Variants in KCNMB3 observed in about 807,000 individuals in gnomAD.
The protein encoded by KCNMB3 is potassium calcium-activated channel subfamily M regulatory beta subunit 3, also known as calcium-activated potassium channel subunit beta-3.
Under a neutral mutation model 11.9 loss-of-function variants are expected in KCNMB3, and 18 were observed. The ratio of observed to expected loss-of-function variants is 1.51; its 90% CI spans 1.04 to 2.23. The LOEUF (loss-of-function observed/expected upper bound fraction) is 2.23. KCNMB3 is among the 30% of genes most tolerant of loss of function. The pLI, the probability that KCNMB3 is intolerant of heterozygous loss-of-function variation, is 0.00. For missense variants in KCNMB3, 247 were observed against 329.4 expected, an observed-to-expected ratio of 0.75 and a Z score of 1.94; for synonymous variants, 78 against 119.2, an observed-to-expected ratio of 0.65 and a Z score of 2.25.
chr3:179,256,367 C>G (rs1285515208), upstream of KCNMB3, among the ~76,000 whole-genome samples: 1 of 152,022 alleles, frequency 6.6e-6, no homozygotes, highest in African/African-American at 2.4e-5. Context: ...ACCCAGGAGG[C>G]AGAGGTTGCA....
intron 1 of KCNMB3, among the ~76,000 whole-genome samples, chr3:179,245,334 G>A (rs184486891): frequency 6.6e-6 from 1 of 152,276 alleles, no homozygotes; most frequent in East Asian, 1.9e-4. Context: ...TACTTCCAAA[G>A]AGGCAAGTGC....
At position 179,250,738 on chromosome 3, in the gene KCNMB3, C is replaced by T. The variant is rs2108446382; in HGVS notation, c.248+5G>A. On this transcript the variant is annotated splice_donor_5th_base_variant and intron_variant, in intron 1 of 2. Transcript: ENST00000392685. ...AACTCTAGATTTCCTTCCTCTGTTT[C>T]TTACCTGAGCATAAAAGGCTTTAGA... 1 of 1,614,128 alleles carries T rather than the reference C, an allele frequency of 6.2e-7. No homozygotes were observed. Among genetic ancestry groups the T allele is most frequent in the Middle Eastern group, 1.6e-4 (1 of 6,062 alleles).
chr3:179,261,047 A>C, intron 1 of KCNMB3: 1 of 1,026,036 alleles, frequency 9.7e-7, no homozygotes, highest in Admixed American at 1.7e-5. Context: ...CAGAAAGGCC[A>C]GCGTGGCTGC....
In KCNMB3 at chr3:179,244,529, T is replaced by C; in HGVS notation, c.413A>G (p.His138Arg). ...LSHPGQKALL[H>R]YNEEAVQINP... ...TATCTGGACAGCCTCTTCATTATAA[T>C]GTAGGAGAGCTTTCTGACCTGGATG... Residue 138 changes from histidine (H) to arginine (R), a missense_variant, in exon 2 of 3, where the codon CAT (histidine) becomes CGT (arginine). Physicochemically the swap from His to Arg is conservative, Grantham distance 29 (BLOSUM62 0). Coordinates refer to ENST00000392685, the MANE Select transcript of KCNMB3 (RefSeq NM_171830.2). The C allele has an allele frequency of 2.5e-6, 4 of 1,614,212 alleles. No individual in the cohort carries two copies. In the South Asian group the frequency reaches 3.3e-5, roughly 13 times the overall value.
chr3:179,251,585 A>G (rs1051932375), upstream of KCNMB3: 3 of 1,289,436 alleles, frequency 2.3e-6, no homozygotes, highest in Non-Finnish European at 2.9e-6. Flanking sequence ...AACCTGCTCC[A>G]GCAAAGGATG....
At chr3:179,243,343 C>G (rs562717491) in intron 2 of KCNMB3, 59 bp from the exon 3 acceptor site, 1 of 1,560,988 alleles carries the variant, frequency 6.4e-7, no homozygotes, top group Non-Finnish European at 8.8e-7. Flanking sequence ...AAATACTTAA[C>G]AGTTTTTAAT....
downstream of KCNMB3, chr3:179,239,929 A>C (rs754813687): frequency 2.6e-5 from 23 of 900,934 alleles, no homozygotes; most frequent in Non-Finnish European, 4.0e-5. Context: ...TAATAACAGT[A>C]TCACTAAATT....
At chr3:179,261,878 T>C (rs935402655) in intron 1 of KCNMB3, among the ~76,000 whole-genome samples, 1 of 152,144 alleles carries the variant, frequency 6.6e-6, no homozygotes, top group East Asian at 1.9e-4. Context: ...TTACAAAAGA[T>C]ACATCTAAAA....
At chr3:179,247,414 G>A (rs891085074) in intron 1 of KCNMB3, among the ~76,000 whole-genome samples, 1 of 151,930 alleles carries the variant, frequency 6.6e-6, no homozygotes, top group Non-Finnish European at 1.5e-5. Context: ...GAAGTCAGAA[G>A]TGAGGTATAG....
chr3:179,259,397 T>C lies in KCNMB3; in HGVS notation c.62+7252A>G, dbSNP rs1390638647. 256 of 1,588,254 alleles carry C rather than the reference T, an allele frequency of 1.6e-4. 1 individual carries two copies. The Admixed American group carries it at 4.4e-3, about 27-fold the overall frequency. Reference sequence around the variant, plus strand: ...CAGCCCTCGGGCCTGATGATTGAACTGTGACATCCTCAAAATCTAATGTGT... The same window carrying C: ...CAGCCCTCGGGCCTGATGATTGAACCGTGACATCCTCAAAATCTAATGTGT... On this transcript the variant is annotated intron_variant, in intron 1 of 3. Transcript: ENST00000349697.
chr3:179,263,345 G>T (rs1049959503), intron 1 of KCNMB3, among the ~76,000 whole-genome samples: 1 of 152,184 alleles, frequency 6.6e-6, no homozygotes, highest in African/African-American at 2.4e-5. Flanking sequence ...ACTCGGACTG[G>T]CCCGCAAGCT....
At chr3:179,245,923 A>G (rs950563931) in intron 1 of KCNMB3, among the ~76,000 whole-genome samples, 1 of 152,236 alleles carries the variant, frequency 6.6e-6, no homozygotes, top group African/African-American at 2.4e-5. Context: ...AAGAGAAAGG[A>G]CATGTGTATA....
At position 179,257,262 on chromosome 3, in the gene KCNMB3, A is replaced by G. The variant is rs546084414; in HGVS notation, c.63-6328T>C. Among the ~76,000 whole-genome samples the G allele has an allele frequency of 2.0e-5, 3 of 152,344 alleles. No individual in the cohort carries two copies. In the East Asian group the frequency reaches 5.8e-4, roughly 29 times the overall value. Reference sequence around the variant, plus strand: ...TGGTTCCACTTGCAATTTTTTTTACAACTATAAAATGTTTTTATTTCAATT... The same window carrying G: ...TGGTTCCACTTGCAATTTTTTTTACGACTATAAAATGTTTTTATTTCAATT... On this transcript the variant is annotated intron_variant, in intron 1 of 3. Coordinates refer to the KCNMB3 transcript ENST00000349697.
At chr3:179,263,800 C>CT (rs60270913) in intron 1 of KCNMB3, among the ~76,000 whole-genome samples, 1,049 of 59,928 alleles carry the variant, frequency 0.018, 70 homozygotes, top group African/African-American at 0.041. Flanking sequence ...TTTTTCTTTT[C>CT]TTTTTTTTTT....
At chr3:179,239,952 C>T, downstream of KCNMB3, 1 of 1,204,586 alleles carries the variant, frequency 8.3e-7, no homozygotes, top group South Asian at 1.4e-5. Context: ...AGACCTCTTC[C>T]CAGTCTTGCT....
chr3:179,262,266 T>C (rs1444250651), intron 1 of KCNMB3, among the ~76,000 whole-genome samples: 1 of 152,214 alleles, frequency 6.6e-6, no homozygotes, highest in Non-Finnish European at 1.5e-5. Context: ...TTCTCAAGCA[T>C]GTATGGAACA....
intron 1 of KCNMB3, chr3:179,260,959 C>T (rs779028840): frequency 9.4e-6 from 10 of 1,058,304 alleles, no homozygotes; most frequent in Admixed American, 1.9e-5. Flanking sequence ...CTAGAGAGTC[C>T]TTGATTTCCC....
upstream of KCNMB3, among the ~76,000 whole-genome samples, chr3:179,255,510 T>G (rs188783501): frequency 6.6e-6 from 1 of 152,178 alleles, no homozygotes; most frequent in Non-Finnish European, 1.5e-5. Flanking sequence ...CAGAGCTGGA[T>G]CTGCAAAAAT....
At chr3:179,241,632 C>G (rs1725461077), downstream of KCNMB3, 1 of 152,210 alleles carries the variant, frequency 6.6e-6, no homozygotes, top group African/African-American at 2.4e-5. Context: ...TTTGGAAAAT[C>G]AGACCAAAAT....
Sources: allele counts gnomAD v4.1 joint callset (sites outside exome capture counted in the v4.1 genomes callset), GRCh38; gene constraint gnomAD v4.1.1; transcripts MANE v1.5; gene names NCBI Gene and HGNC (gene_info 2026-07-23, HGNC 2026-07-21).